POU2F1: variants seen among roughly 807,000 people sequenced by gnomAD.
The protein encoded by POU2F1 is POU domain, class 2, transcription factor 1.
A neutral mutation model predicts 84.9 loss-of-function variants in POU2F1; 16 were observed. The ratio of observed to expected loss-of-function variants is 0.19; its 90% confidence interval spans 0.13 to 0.29. POU2F1 has a LOEUF of 0.29. POU2F1 is among the 10% of genes least tolerant of loss of function. POU2F1 has a pLI of 1.00. For missense variants in POU2F1, 738 were observed against 942.6 expected (o/e 0.78, Z 2.84); for synonymous variants, 368 against 368.3 (o/e 1.00, Z 0.01).
intron 1 of POU2F1, among the ~76,000 whole-genome samples, chr1:167,264,698 C>T (rs1320550776): frequency 6.6e-6 from 1 of 152,106 alleles, no homozygotes; most frequent in Non-Finnish European, 1.5e-5. Flanking sequence ...CCTTCCAGCC[C>T]TACAGCTATT....
In POU2F1 at chr1:167,398,137, A is replaced by G. The variant is rs1181312961; in HGVS notation, c.1269+4A>G. The G allele has an allele frequency of 6.2e-7, 1 of 1,613,320 alleles. No individual in the cohort carries two copies. The highest frequency in any genetic ancestry group is 1.3e-5 in the African/African-American group (1 of 74,860). On this transcript the variant is annotated splice_donor_region_variant and intron_variant, in intron 11 of 15. Coordinates refer to ENST00000367866, the MANE Select transcript of POU2F1 (RefSeq NM_002697.4). ...CTTAGAGAAGAGTTTCTTGGAGGTC[A>G]GTGAGGATTTTACTTTTCTGTACAT...
intron 1 of POU2F1, among the ~76,000 whole-genome samples, chr1:167,328,616 A>C (rs1374270996): frequency 6.6e-6 from 1 of 152,184 alleles, no homozygotes; most frequent in Non-Finnish European, 1.5e-5. Flanking sequence ...GCATTTTAAC[A>C]GAACTCTGTC....
At chr1:167,375,718 C>A (rs1478379696) in intron 6 of POU2F1, among the ~76,000 whole-genome samples, 5 of 152,070 alleles carry the variant, frequency 3.3e-5, no homozygotes, top group Admixed American at 1.3e-4. Flanking sequence ...ATTTTTAAAA[C>A]CCATATTGGT....
chr1:167,229,318 A>C (rs951116415), intron 1 of POU2F1, among the ~76,000 whole-genome samples: 18 of 152,128 alleles, frequency 1.2e-4, no homozygotes, highest in African/African-American at 4.1e-4. Context: ...TGTTGGGAAA[A>C]GGAGCCATTT....
At chr1:167,348,172 G>A (rs1658322605) in intron 2 of POU2F1, among the ~76,000 whole-genome samples, 2 of 152,132 alleles carry the variant, frequency 1.3e-5, no homozygotes, top group Admixed American at 1.3e-4. Context: ...GATATAGCCT[G>A]TTTCTCCTAG....
chr1:167,296,939 G>A (rs553049672), intron 1 of POU2F1, among the ~76,000 whole-genome samples: 1 of 152,174 alleles, frequency 6.6e-6, no homozygotes, highest in African/African-American at 2.4e-5. Context: ...TTTATATGCT[G>A]TATGGGAAGA....
At chr1:167,309,966 T>C (rs1210616647) in intron 1 of POU2F1, among the ~76,000 whole-genome samples, 2 of 152,170 alleles carry the variant, frequency 1.3e-5, no homozygotes, top group Non-Finnish European at 2.9e-5. Flanking sequence ...CTCATTTACC[T>C]CAGCTCTAAA....
chr1:167,391,553 A>G (rs1199248512), intron 9 of POU2F1, among the ~76,000 whole-genome samples: 1 of 130,532 alleles, frequency 7.7e-6, no homozygotes, highest in East Asian at 2.4e-4. Flanking sequence ...ATATCTTTAT[A>G]TATATCTTTT....
At chr1:167,327,728 C>G (rs1248639340) in intron 1 of POU2F1, among the ~76,000 whole-genome samples, 1 of 152,192 alleles carries the variant, frequency 6.6e-6, no homozygotes, top group African/African-American at 2.4e-5. Flanking sequence ...GCTTTACCAC[C>G]TCTCAGCAAT....
chr1:167,400,642 G>A (rs2101917275), intron 12 of POU2F1, among the ~76,000 whole-genome samples: 1 of 152,332 alleles, frequency 6.6e-6, no homozygotes, highest in South Asian at 2.1e-4. Flanking sequence ...TTCCTAGACT[G>A]AAGAGACATA....
At chr1:167,359,640 A>G (rs1036215646) in intron 2 of POU2F1, among the ~76,000 whole-genome samples, 2 of 152,198 alleles carry the variant, frequency 1.3e-5, no homozygotes, top group Non-Finnish European at 2.9e-5. Context: ...TGTGATAAAC[A>G]TGCAAATGCA....
chr1:167,411,881 A>T, intron 13 of POU2F1, 78 bp from the exon 14 acceptor site: 1 of 1,304,224 alleles, frequency 7.7e-7, no homozygotes. Flanking sequence ...CATTGATTAT[A>T]GAGTTTGGCT....
chr1:167,388,098 G>A (rs78206370), intron 8 of POU2F1, among the ~76,000 whole-genome samples: 2,827 of 152,256 alleles, frequency 0.019, 88 homozygotes, highest in African/African-American at 0.064. Context: ...ATATGACAAA[G>A]CTTCCTTTAT....
At chr1:167,394,339 A>G (rs1057229300) in intron 9 of POU2F1, among the ~76,000 whole-genome samples, 4 of 152,190 alleles carry the variant, frequency 2.6e-5, no homozygotes, top group Non-Finnish European at 5.9e-5. Context: ...GTAACATTTT[A>G]ATAAATATAT....
At chr1:167,285,970 C>T (rs1653501159) in intron 1 of POU2F1, among the ~76,000 whole-genome samples, 1 of 152,006 alleles carries the variant, frequency 6.6e-6, no homozygotes, top group South Asian at 2.1e-4. Context: ...TGCAGAAAAT[C>T]ATTAATAAAT....
intron 1 of POU2F1, among the ~76,000 whole-genome samples, chr1:167,231,510 G>T (rs191664682): frequency 2.6e-5 from 4 of 152,286 alleles, no homozygotes; most frequent in Admixed American, 2.6e-4. Context: ...GTGGTACTCA[G>T]TGTGAATAAA....
At chr1:167,296,628 A>T (rs1284794485) in intron 1 of POU2F1, among the ~76,000 whole-genome samples, 2 of 152,216 alleles carry the variant, frequency 1.3e-5, no homozygotes, top group African/African-American at 2.4e-5. Context: ...AATTCTTTTA[A>T]TAAAAATAAA....
intron 1 of POU2F1, among the ~76,000 whole-genome samples, chr1:167,271,265 C>T (rs952858364): frequency 1.3e-5 from 2 of 151,922 alleles, no homozygotes; most frequent in Admixed American, 6.6e-5. Flanking sequence ...GGAGAGAAGC[C>T]ATTTAAAACA....
chr1:167,360,392 G>A (rs545000996), intron 2 of POU2F1, among the ~76,000 whole-genome samples: 9 of 152,214 alleles, frequency 5.9e-5, no homozygotes, highest in African/African-American at 1.4e-4. Flanking sequence ...GAGACGTAGC[G>A]GTCCAGTTTC....
Sources: gnomAD v4.1 joint callset for allele counts (sites outside exome capture counted in the v4.1 genomes callset) on GRCh38, gnomAD v4.1.1 for gene constraint, MANE v1.5 for transcripts, NCBI Gene and HGNC (gene_info 2026-07-23, HGNC 2026-07-21) for gene names.